ZNF827: variants seen among roughly 807,000 people sequenced by gnomAD.
The protein encoded by ZNF827 is zinc finger protein 827.
Under a neutral mutation model 102.4 loss-of-function variants are expected in ZNF827, and 13 were observed. The ratio of observed to expected loss-of-function variants is 0.13; its 90% confidence interval spans 0.08 to 0.20. ZNF827 has a LOEUF of 0.20. Ranked by LOEUF, ZNF827 falls within the 10% of genes least tolerant of loss-of-function variation. ZNF827 has a pLI of 1.00. For synonymous variants in ZNF827, 523 were observed against 536.2 expected, an observed-to-expected ratio of 0.98 and a Z score of 0.34; for missense variants, 1,103 against 1,344.4, an observed-to-expected ratio of 0.82 and a Z score of 2.81.
At chr4:145,766,799 T>C (rs558155498) in intron 11 of ZNF827, among the ~76,000 whole-genome samples, 3 of 152,262 alleles carry the variant, frequency 2.0e-5, no homozygotes, top group Admixed American at 6.5e-5. Flanking sequence ...ACCAGTCAGA[T>C]TGGAAAAACA....
chr4:145,860,988 G>A (rs769506989), intron 5 of ZNF827, among the ~76,000 whole-genome samples: 13 of 152,264 alleles, frequency 8.5e-5, no homozygotes, highest in South Asian at 6.2e-4. Flanking sequence ...GCACAGATGC[G>A]CTGAGTAGCC....
At chr4:145,899,612 T>G (rs1053528999) in intron 2 of ZNF827, among the ~76,000 whole-genome samples, 3 of 152,222 alleles carry the variant, frequency 2.0e-5, no homozygotes, top group Non-Finnish European at 4.4e-5. Context: ...TGGGCCCACG[T>G]GGACGTATGG....
intron 2 of ZNF827, among the ~76,000 whole-genome samples, chr4:145,898,475 A>G (rs1751150700): frequency 1.3e-5 from 2 of 152,190 alleles, no homozygotes; most frequent in Admixed American, 6.5e-5. Flanking sequence ...TTGGCCTTCT[A>G]CAAGAAACTT....
chr4:145,845,842 G>C (rs757943741), intron 7 of ZNF827, 114 bp downstream of exon 7: 1 of 1,007,218 alleles, frequency 9.9e-7, no homozygotes, highest in East Asian at 2.5e-5. Context: ...GGTAAAGGGT[G>C]TGACTCCTTT....
intron 4 of ZNF827, among the ~76,000 whole-genome samples, chr4:145,880,953 A>G (rs1172761689): frequency 6.6e-6 from 1 of 152,246 alleles, no homozygotes; most frequent in Non-Finnish European, 1.5e-5. Context: ...CAGAAAGGCA[A>G]TCAGAGCCAC....
chr4:145,835,112 C>G (rs1043600745), intron 7 of ZNF827: 1 of 152,238 alleles, frequency 6.6e-6, no homozygotes, highest in Admixed American at 6.5e-5. Context: ...CACTGAAAAT[C>G]GGACTGTTCA....
chr4:145,886,137 C>T lies in ZNF827; in HGVS notation c.1288G>A (p.Gly430Arg). The part of the protein sequence containing the change: ...HMKVHQHQDR[G>R]ETFQCQLCPF... The stretch of plus-strand genomic sequence containing the variant: ...CACAGCTGGCACTGAAAGGTCTCTC[C>T]CCGATCCTGGTGCTGATGAACCTGA... The change falls in exon 4 of 15, where the codon GGA (glycine) becomes AGA (arginine). Residue 430 changes from glycine to arginine, a missense_variant. Physicochemically the swap from Gly to Arg is moderately radical, Grantham distance 125. Transcript: ENST00000508784. 6.2e-7 allele frequency: 1 copy of T among 1,603,728 alleles called. No individual in the cohort carries two copies. The highest frequency in any genetic ancestry group is 8.5e-7 in the Non-Finnish European group (1 of 1,175,260).
intron 7 of ZNF827, among the ~76,000 whole-genome samples, chr4:145,826,130 G>A (rs1192731358): frequency 1.3e-5 from 2 of 152,220 alleles, no homozygotes; most frequent in Non-Finnish European, 2.9e-5. Context: ...GAGATAGCAA[G>A]TGTGCTAGTT....
chr4:145,885,720 T>C lies in ZNF827; in HGVS notation c.1705A>G (p.Ile569Val). The change falls in exon 4 of 15, where the codon ATC becomes GTC. Residue 569 changes from isoleucine (I) to valine (V), a missense_variant. Physicochemically the swap from Ile to Val is conservative, Grantham distance 29 (BLOSUM62 3). Around this residue, in one of 5 missense-constraint regions of ZNF827, gnomAD observed 157 missense variants for 211.7 expected, o/e 0.74. Coordinates refer to ENST00000508784, the MANE Select transcript of ZNF827 (RefSeq NM_001306215.2). ...NSASALFSQD[I>V]SVKMASDFLM... is the part of the protein sequence containing the mutation. ...AAATCAGACGCCATCTTAACAGAGA[T>C]GTCCTGGCTGAACAATGCTGACGCA... The C allele has an allele frequency of 6.4e-7, 1 of 1,559,816 alleles. No homozygotes were observed. Among genetic ancestry groups the C allele is most frequent in the Non-Finnish European group, 8.7e-7 (1 of 1,154,834 alleles).
intron 1 of ZNF827, among the ~76,000 whole-genome samples, chr4:145,936,173 T>A (rs893403999): frequency 6.9e-6 from 1 of 145,964 alleles, no homozygotes; most frequent in Non-Finnish European, 1.5e-5. Flanking sequence ...CTCCTCTCCC[T>A]CCCCCCACAC....
chr4:145,903,252 G>A (rs1276455885), intron 1 of ZNF827, 37 bp from the exon 2 acceptor site: 8 of 1,559,890 alleles, frequency 5.1e-6, no homozygotes, highest in Middle Eastern at 1.8e-4. Flanking sequence ...TACTCCCAAA[G>A]TGAACAATAA....
At chr4:145,848,070 G>A (rs567082576) in intron 6 of ZNF827, among the ~76,000 whole-genome samples, 47 of 152,142 alleles carry the variant, frequency 3.1e-4, no homozygotes, top group Non-Finnish European at 6.2e-4. Flanking sequence ...GACAGCATAC[G>A]GTTTAGAGAG....
intron 2 of ZNF827, among the ~76,000 whole-genome samples, chr4:145,892,938 C>T (rs1750718600): frequency 6.6e-6 from 1 of 152,246 alleles, no homozygotes; most frequent in Admixed American, 6.5e-5. Flanking sequence ...TCTCTGAACT[C>T]CAATGGAGAC....
chr4:145,922,830 A>T (rs1753168392), intron 1 of ZNF827, among the ~76,000 whole-genome samples: 1 of 152,146 alleles, frequency 6.6e-6, no homozygotes, highest in South Asian at 2.1e-4. Context: ...CTGATACTTC[A>T]AGGAAAAACT....
chr4:145,782,200 C>T (rs529570610), intron 8 of ZNF827, among the ~76,000 whole-genome samples: 1 of 152,336 alleles, frequency 6.6e-6, no homozygotes, highest in African/African-American at 2.4e-5. Context: ...ATTTTGCACA[C>T]AGGAACAAGG....
intron 11 of ZNF827, among the ~76,000 whole-genome samples, chr4:145,768,946 T>C (rs529333069): frequency 8.2e-6 from 1 of 121,744 alleles, no homozygotes; most frequent in South Asian, 3.0e-4. Context: ...AATAGAGCTG[T>C]AATGGTGGGT....
At chr4:145,907,986 G>A (rs1044174016) in intron 1 of ZNF827, among the ~76,000 whole-genome samples, 4 of 152,164 alleles carry the variant, frequency 2.6e-5, no homozygotes, top group Non-Finnish European at 5.9e-5. Context: ...TTATAATTCA[G>A]TTCTCAAGCA....
At chr4:145,818,054 TAATC>T (rs1447553570) in intron 8 of ZNF827, among the ~76,000 whole-genome samples, 1 of 152,240 alleles carries the variant, frequency 6.6e-6, no homozygotes, top group African/African-American at 2.4e-5. Flanking sequence ...AGAATTCTGT[TAATC>T]AACAGTAAGT....
chr4:145,906,528 C>T (rs1049986745), intron 1 of ZNF827, among the ~76,000 whole-genome samples: 24 of 152,186 alleles, frequency 1.6e-4, no homozygotes, highest in Admixed American at 1.4e-3. Flanking sequence ...CCTCCACACC[C>T]TCAGTGAGCA....
Sources: allele counts gnomAD v4.1 joint callset (sites outside exome capture counted in the v4.1 genomes callset), GRCh38; gene constraint gnomAD v4.1.1; regional missense constraint gnomAD v4.1.1; transcripts MANE v1.5; gene names NCBI Gene and HGNC (gene_info 2026-07-23, HGNC 2026-07-21).